The following TACR3 variants were observed in gnomAD, a reference collection of about 807,000 sequenced individuals.
The protein encoded by TACR3 is neuromedin-K receptor.
In TACR3, 34 loss-of-function variants were observed where a neutral mutation model predicts 35.0. The ratio of observed to expected loss-of-function variants is 0.97; its 90% confidence interval spans 0.74 to 1.30. TACR3 has a LOEUF of 1.30. TACR3 is among the 50% of genes most tolerant of loss of function. The probability of loss-of-function intolerance (pLI) is 0.00; values close to 1 mark genes in which losing one functional copy is unlikely to be tolerated. For missense variants in TACR3, 558 were observed against 591.7 expected (o/e 0.94, Z 0.59); for synonymous variants, 233 against 221.1 (o/e 1.05, Z -0.48).
At chr4:103,590,157 G>A (rs926879045) in intron 4 of TACR3, among the ~76,000 whole-genome samples, 163 bp from the exon 5 acceptor site, 8 of 152,080 alleles carry the variant, frequency 5.3e-5, no homozygotes, top group Non-Finnish European at 8.8e-5. Flanking sequence ...GTTGTTAGTC[G>A]TTTAGTTCTT....
chr4:103,611,417 TAG>T (rs770203947), intron 3 of TACR3, among the ~76,000 whole-genome samples: 4 of 152,168 alleles, frequency 2.6e-5, no homozygotes, highest in Non-Finnish European at 5.9e-5. Context: ...ATTTCTTTTT[TAG>T]AGAGTTTGCT....
At chr4:103,690,614 C>G (rs952682386) in intron 1 of TACR3, among the ~76,000 whole-genome samples, 1 of 152,026 alleles carries the variant, frequency 6.6e-6, no homozygotes, top group Non-Finnish European at 1.5e-5. Context: ...GAGATGTGAA[C>G]ACCATTCACC....
intron 3 of TACR3, among the ~76,000 whole-genome samples, chr4:103,604,658 T>C (rs1197100728): frequency 6.6e-6 from 1 of 151,720 alleles, no homozygotes; most frequent in African/African-American, 2.4e-5. Flanking sequence ...AGGGCTAATA[T>C]CCAGAATCTA....
intron 2 of TACR3, among the ~76,000 whole-genome samples, chr4:103,656,866 T>A (rs1211034636): frequency 6.6e-6 from 1 of 152,090 alleles, no homozygotes; most frequent in Non-Finnish European, 1.5e-5. Flanking sequence ...CACAAGTTAC[T>A]ACAATTTTTA....
At chr4:103,709,833 C>CAA (rs201449414) in intron 1 of TACR3, among the ~76,000 whole-genome samples, 10 of 149,744 alleles carry the variant, frequency 6.7e-5, no homozygotes, top group East Asian at 3.9e-4. Flanking sequence ...AAATGGAAAA[C>CAA]AAAAAAAAAT....
At chr4:103,628,663 C>A (rs1038863917) in intron 3 of TACR3, among the ~76,000 whole-genome samples, 2 of 151,558 alleles carry the variant, frequency 1.3e-5, no homozygotes, top group Non-Finnish European at 2.9e-5. Flanking sequence ...ATTAATAGCC[C>A]ACCAACCAAA....
chr4:103,689,167 G>A (rs1463382078), intron 1 of TACR3, among the ~76,000 whole-genome samples: 8 of 144,720 alleles, frequency 5.5e-5, no homozygotes, highest in Non-Finnish European at 9.0e-5. Flanking sequence ...ACCAAACACC[G>A]CATATTCTCA....
intron 3 of TACR3, among the ~76,000 whole-genome samples, chr4:103,642,207 C>T (rs1296835293): frequency 6.6e-6 from 1 of 150,650 alleles, no homozygotes; most frequent in Admixed American, 6.6e-5. Context: ...TATGGATATA[C>T]ATATTTATAT....
At chr4:103,688,915 C>T (rs1300331309) in intron 1 of TACR3, among the ~76,000 whole-genome samples, 6 of 152,112 alleles carry the variant, frequency 3.9e-5, no homozygotes, top group East Asian at 1.9e-4. Flanking sequence ...ACCCAAAGGA[C>T]TATAAATCAT....
chr4:103,614,368 AT>A (rs34472683), intron 3 of TACR3, among the ~76,000 whole-genome samples: 55 of 151,716 alleles, frequency 3.6e-4, no homozygotes, highest in Non-Finnish European at 7.1e-4. Context: ...AAACTGACAG[AT>A]TTTTTTTTCC....
chr4:103,675,298 A>G (rs6533106), intron 1 of TACR3, among the ~76,000 whole-genome samples: 51,643 of 151,986 alleles, frequency 0.34, 13,826 homozygotes, highest in African/African-American at 0.74. Context: ...ATATTTTCCT[A>G]CGTCTTCACT....
At chr4:103,601,885 A>AGT (rs901016857) in intron 3 of TACR3, among the ~76,000 whole-genome samples, 20 of 152,130 alleles carry the variant, frequency 1.3e-4, no homozygotes, top group African/African-American at 4.8e-4. Flanking sequence ...ATTCTTGAGG[A>AGT]GTATCTTTGT....
At chr4:103,697,063 G>T (rs1049843161) in intron 1 of TACR3, among the ~76,000 whole-genome samples, 19 of 152,126 alleles carry the variant, frequency 1.2e-4, no homozygotes, top group African/African-American at 4.6e-4. Context: ...ACAGGTGTGA[G>T]CCACTGTTCC....
At chr4:103,658,554 G>T (rs560771044) in intron 1 of TACR3, 151 bp from the exon 2 acceptor site, 3 of 688,944 alleles carry the variant, frequency 4.4e-6, no homozygotes, top group Non-Finnish European at 7.5e-6. Flanking sequence ...TAGAGGCAGC[G>T]TAGAATGGTA....
intron 1 of TACR3, among the ~76,000 whole-genome samples, chr4:103,683,321 C>T (rs1044510454): frequency 6.6e-6 from 1 of 150,772 alleles, no homozygotes; most frequent in East Asian, 1.9e-4. Flanking sequence ...GGACAAAATG[C>T]ACCCAAAGCA....
intron 1 of TACR3, among the ~76,000 whole-genome samples, chr4:103,687,764 A>C (rs959937972): frequency 4.6e-5 from 7 of 152,212 alleles, no homozygotes; most frequent in African/African-American, 1.7e-4. Flanking sequence ...AAACAAATGG[A>C]AGAACATTCC....
chr4:103,587,545 T>C lies in TACR3; in HGVS notation c.*2137A>G, dbSNP rs1426525784. 6.6e-6 allele frequency: 1 copy of C among 152,090 alleles called. No homozygotes were observed. 9.4% of individuals were successfully genotyped at this position (152,090 alleles called of 1,614,324 possible). The stretch of plus-strand genomic sequence containing the variant: ...AATTCTACTGAATTTCTCTAATATG[T>C]GAGGGCCAGGAGTTATATTTTTCAA... On this transcript the variant is annotated 3_prime_UTR_variant, in exon 5 of 5. Transcript: ENST00000304883.
chr4:103,670,645 T>G (rs1726038405), intron 1 of TACR3, among the ~76,000 whole-genome samples: 2 of 152,074 alleles, frequency 1.3e-5, no homozygotes. Context: ...ATGCTATTGA[T>G]TTTTGTATGT....
chr4:103,693,400 A>G (rs549814448), intron 1 of TACR3, among the ~76,000 whole-genome samples: 33 of 152,286 alleles, frequency 2.2e-4, no homozygotes, highest in African/African-American at 7.5e-4. Flanking sequence ...CAGTGTACTA[A>G]TTGCCAAAAT....
Sources: gnomAD v4.1 joint callset for allele counts (sites outside exome capture counted in the v4.1 genomes callset) on GRCh38, gnomAD v4.1.1 for gene constraint, MANE v1.5 for transcripts, NCBI Gene and HGNC (gene_info 2026-07-23, HGNC 2026-07-21) for gene names.